The following PDE1C variants were observed in gnomAD, a reference collection of about 807,000 sequenced individuals.
The protein encoded by PDE1C is phosphodiesterase 1C.
Under a neutral mutation model 93.1 loss-of-function variants are expected in PDE1C, and 62 were observed. The observed-to-expected ratio is 0.67, with a 90% CI of 0.54 to 0.82. PDE1C has a LOEUF of 0.82. PDE1C is among the 40% of genes least tolerant of loss of function. PDE1C has a pLI of 0.00. For synonymous variants in PDE1C, 325 were observed against 310.1 expected, an observed-to-expected ratio of 1.05 and a Z score of -0.50; for missense variants, 742 against 884.6, an observed-to-expected ratio of 0.84 and a Z score of 2.04.
intron 16 of PDE1C, chr7:31,790,042 A>G (rs1784398323): frequency 5.0e-6 from 7 of 1,391,410 alleles, no homozygotes; most frequent in African/African-American, 1.5e-5. Context: ...TAAGACCTCA[A>G]ACCAACCCCC....
intron 1 of PDE1C, among the ~76,000 whole-genome samples, chr7:32,420,213 G>GTATATATGTGTATA (rs1554320785): frequency 6.3e-5 from 1 of 16,000 alleles, no homozygotes; most frequent in African/African-American, 1.9e-4. Flanking sequence ...ACATATATAT[G>GTATATATGTGTATA]TATATATACA....
chr7:31,640,115 C>T, the PDE1C span, among the ~76,000 whole-genome samples: 2 of 152,138 alleles, frequency 1.3e-5, no homozygotes, highest in Non-Finnish European at 2.9e-5. Context: ...TTTTAAGGCT[C>T]ATTAGGTGGG....
At chr7:31,948,755 T>C (rs1806964312) in intron 2 of PDE1C, among the ~76,000 whole-genome samples, 1 of 152,150 alleles carries the variant, frequency 6.6e-6, no homozygotes, top group Non-Finnish European at 1.5e-5. Context: ...TCTTTCCCCA[T>C]TATCAAGATG....
the PDE1C span, among the ~76,000 whole-genome samples, chr7:31,724,624 A>G: frequency 6.6e-6 from 1 of 152,326 alleles, no homozygotes; most frequent in African/African-American, 2.4e-5. Context: ...CATAGAAATT[A>G]TAACTAGAAG....
At chr7:31,810,495 T>C (rs571470973) in intron 15 of PDE1C, among the ~76,000 whole-genome samples, 2 of 152,270 alleles carry the variant, frequency 1.3e-5, no homozygotes, top group South Asian at 2.1e-4. Flanking sequence ...TTATTGAAAG[T>C]AGACAACTTC....
chr7:31,660,770 A>G, the PDE1C span, among the ~76,000 whole-genome samples: 1 of 152,072 alleles, frequency 6.6e-6, no homozygotes, highest in African/African-American at 2.4e-5. Flanking sequence ...ATACAAGCCA[A>G]TTAATACCAC....
the PDE1C span, among the ~76,000 whole-genome samples, chr7:31,627,752 G>T: frequency 1.8e-4 from 27 of 149,676 alleles, 1 homozygote; most frequent in South Asian, 5.7e-3. Context: ...TCAGTCCTCT[G>T]CACATCTTTC....
At chr7:32,207,155 C>T (rs890871365) in intron 2 of PDE1C, among the ~76,000 whole-genome samples, 3 of 152,088 alleles carry the variant, frequency 2.0e-5, no homozygotes, top group East Asian at 1.9e-4. Flanking sequence ...GCATCCACCA[C>T]CAGAAGCAGC....
intron 1 of PDE1C, among the ~76,000 whole-genome samples, chr7:32,261,894 A>C (rs1810229266): frequency 6.6e-6 from 1 of 152,142 alleles, no homozygotes; most frequent in East Asian, 1.9e-4. Context: ...AAGGAGAAAA[A>C]ACACTAATGG....
rs778939069 is a variant in PDE1C at position 32,070,353 on chromosome 7, T to A, written c.41A>T (p.Asn14Ile). 1.2e-5 allele frequency: 20 copies of A among 1,614,010 alleles called. No homozygotes were observed. The highest frequency in any genetic ancestry group is 1.7e-5 in the Non-Finnish European group (20 of 1,179,978). The change falls in exon 1 of 18, where the codon AAC (asparagine) becomes ATC (isoleucine). Residue 14 changes from asparagine (N) to isoleucine (I), a missense_variant. Physicochemically the swap from Asn to Ile is moderately radical, Grantham distance 149 (BLOSUM62 -3). Transcript: ENST00000396191. Reference sequence around the variant, plus strand: ...TTCCGGTTGCAGGTATTTCAGAGAGTTGCTCTCAAATTCTTCAATCTCCTT... The same window carrying A: ...TTCCGGTTGCAGGTATTTCAGAGAGATGCTCTCAAATTCTTCAATCTCCTT... ...PTKEIEEFESNSLKYLQPEQI... is the reference protein window; with the variant it reads ...PTKEIEEFESISLKYLQPEQI...
chr7:32,111,045 C>T (rs955092271), intron 3 of PDE1C, among the ~76,000 whole-genome samples: 11 of 152,108 alleles, frequency 7.2e-5, no homozygotes, highest in African/African-American at 2.7e-4. Flanking sequence ...TTCACATAAA[C>T]CAGATGGCAA....
At chr7:31,746,798 C>T (rs1794016352), downstream of PDE1C, among the ~76,000 whole-genome samples, 1 of 151,990 alleles carries the variant, frequency 6.6e-6, no homozygotes, top group African/African-American at 2.4e-5. Flanking sequence ...ATGGACTATG[C>T]TGTCGACATG....
chr7:31,638,897 C>T, the PDE1C span, among the ~76,000 whole-genome samples: 1 of 152,168 alleles, frequency 6.6e-6, no homozygotes, highest in Admixed American at 6.5e-5. Flanking sequence ...TTGCCTTAGC[C>T]TCCCAAGTAG....
At position 32,169,966 on chromosome 7, in the gene PDE1C, G is replaced by A. The variant is rs1391699733; in HGVS notation, c.137-10C>T. The A allele has an allele frequency of 2.5e-6, 4 of 1,606,582 alleles. No homozygotes were observed. In the Admixed American group the frequency reaches 6.7e-5, roughly 27 times the overall value. On this transcript the variant is annotated splice_polypyrimidine_tract_variant and intron_variant, in intron 2 of 18. Coordinates refer to the PDE1C transcript ENST00000396193. ...TTCTGTGACTTAGACCCTGAGGCAT[G>A]GGGAAAAGAGAGATGCAGGTGAATC...
chr7:32,339,719 A>G (rs142156759), intron 1 of PDE1C, among the ~76,000 whole-genome samples: 1 of 152,238 alleles, frequency 6.6e-6, no homozygotes, highest in African/African-American at 2.4e-5. Context: ...AATGGAGCTC[A>G]TGGGAATACA....
intron 2 of PDE1C, among the ~76,000 whole-genome samples, chr7:32,000,145 T>C (rs1006106711): frequency 2.0e-5 from 3 of 152,150 alleles, no homozygotes; most frequent in East Asian, 3.8e-4. Flanking sequence ...GCAGTATAAC[T>C]AGACTGTACT....
In PDE1C at chr7:32,376,562, C is replaced by T. The variant is rs1784435515; in HGVS notation, c.310+51260G>A. Among the ~76,000 whole-genome samples the T allele has an allele frequency of 1.3e-5, 2 of 152,292 alleles. 1 individual carries two copies. The highest frequency in any genetic ancestry group is 4.2e-4 in the South Asian group (2 of 4,818). The stretch of plus-strand genomic sequence containing the variant: ...CAGAGACTCCTCTACCTTTTCTCTC[C>T]CCTTAAGCTCGAGGCCATCTCTTTT... On this transcript the variant is annotated intron_variant, in intron 1 of 1. Transcript: ENST00000672256.
intron 1 of PDE1C, among the ~76,000 whole-genome samples, chr7:32,295,335 C>T (rs1344828596): frequency 2.6e-5 from 4 of 152,158 alleles, no homozygotes; most frequent in African/African-American, 7.2e-5. Context: ...CCCGGGCTGA[C>T]GGGTCAGGGC....
At chr7:32,388,365 T>A (rs1784680829) in intron 1 of PDE1C, among the ~76,000 whole-genome samples, 1 of 152,114 alleles carries the variant, frequency 6.6e-6, no homozygotes, top group Admixed American at 6.5e-5. Flanking sequence ...TGTCAATCCC[T>A]AGAAGTTTAG....
Sources: gnomAD v4.1 joint callset for allele counts (sites outside exome capture counted in the v4.1 genomes callset) on GRCh38, gnomAD v4.1.1 for gene constraint, MANE v1.5 for transcripts, NCBI Gene and HGNC (gene_info 2026-07-23, HGNC 2026-07-21) for gene names.